The following DOCK4 variants were observed in gnomAD, a reference collection of about 807,000 sequenced individuals.
DOCK4 encodes dedicator of cytokinesis protein 4.
DOCK4 carries 97 observed loss-of-function variants against 268.1 expected under a neutral mutation model. The observed-to-expected ratio is 0.36, with a 90% CI of 0.31 to 0.43. The LOEUF (loss-of-function observed/expected upper bound fraction) is 0.43, where lower values mean the gene tolerates loss of function less well. Ranked by LOEUF, DOCK4 falls within the 20% of genes least tolerant of loss-of-function variation. The pLI is 1.00. For missense variants in DOCK4, 2,145 were observed against 2,455.7 expected, an observed-to-expected ratio of 0.87 and a Z score of 2.67; for synonymous variants, 954 against 887.2, an observed-to-expected ratio of 1.08 and a Z score of -1.34.
chr7:112,006,796 C>T (rs1001153791), intron 1 of DOCK4, among the ~76,000 whole-genome samples: 3 of 152,172 alleles, frequency 2.0e-5, no homozygotes, highest in Non-Finnish European at 4.4e-5. Context: ...CACTTGTCTC[C>T]ACCTGCAACA....
chr7:111,846,088 A>T (rs1216492553), intron 24 of DOCK4, among the ~76,000 whole-genome samples: 1 of 152,136 alleles, frequency 6.6e-6, no homozygotes. Context: ...CTCAACTGCC[A>T]ACTCTGTTCC....
At chr7:111,799,369 C>A (rs1286583653) in intron 30 of DOCK4, among the ~76,000 whole-genome samples, 1 of 152,202 alleles carries the variant, frequency 6.6e-6, no homozygotes, top group Non-Finnish European at 1.5e-5. Flanking sequence ...CAAAAATTGA[C>A]ACAACTAGCA....
intron 49 of DOCK4, 135 bp downstream of exon 49, chr7:111,738,999 C>T (rs1795702394): frequency 1.5e-6 from 1 of 661,382 alleles, no homozygotes; most frequent in Non-Finnish European, 2.6e-6. Context: ...AACAGAGGTG[C>T]AATCTTCACC....
At chr7:111,744,215 C>A (rs1796116875) in intron 44 of DOCK4, among the ~76,000 whole-genome samples, 1 of 152,136 alleles carries the variant, frequency 6.6e-6, no homozygotes, top group African/African-American at 2.4e-5. Context: ...TGGAGGCAAT[C>A]CCTGAAGGGC....
In DOCK4 at chr7:111,979,235, CA is replaced by C. The variant is rs1798427710; in HGVS notation, c.550-1953del. Among the ~76,000 whole-genome samples the C allele has an allele frequency of 2.0e-5, 3 of 152,214 alleles. No homozygotes were observed. In the South Asian group the frequency reaches 6.2e-4, roughly 32 times the overall value. On this transcript the variant is annotated intron_variant, in intron 7 of 52. Coordinates refer to ENST00000428084, the MANE Select transcript of DOCK4 (RefSeq NM_001363540.2). ...CTTTTATTCCGAACTACTTGAGAAG[CA>C]AAGGGTGGAAAAAATTTAGCTAAAT...
At chr7:111,752,391 C>T (rs1796717777) in intron 42 of DOCK4, among the ~76,000 whole-genome samples, 1 of 151,950 alleles carries the variant, frequency 6.6e-6, no homozygotes, top group Non-Finnish European at 1.5e-5. Context: ...GTGGCGCTAT[C>T]GGTGGGGGCG....
In DOCK4 at chr7:112,034,334, C is replaced by T. The variant is rs906260957; in HGVS notation, c.38-30203G>A. Among the ~76,000 whole-genome samples the T allele has an allele frequency of 2.6e-5, 4 of 152,228 alleles. No homozygotes were observed. In the East Asian group the frequency reaches 7.7e-4, roughly 29 times the overall value. On this transcript the variant is annotated intron_variant, in intron 1 of 52. Transcript: ENST00000428084. Reference sequence around the variant, plus strand: ...TGGCAGGTGGAGGAAAGGAATAAAACTCTAGCATGGCTCTGAATCTGGCCC... The same window carrying T: ...TGGCAGGTGGAGGAAAGGAATAAAATTCTAGCATGGCTCTGAATCTGGCCC...
chr7:111,818,181 T>C (rs1026319480), intron 27 of DOCK4, among the ~76,000 whole-genome samples: 5 of 152,206 alleles, frequency 3.3e-5, no homozygotes, highest in Admixed American at 6.5e-5. Flanking sequence ...TCTTTTTCTC[T>C]TTTCAGTCTG....
intron 1 of DOCK4, among the ~76,000 whole-genome samples, chr7:112,190,935 G>C (rs1011772451): frequency 1.3e-5 from 2 of 152,184 alleles, no homozygotes; most frequent in African/African-American, 4.8e-5. Context: ...TGAAGCCCCA[G>C]GTCCCAGCAG....
At chr7:111,831,002 T>C (rs1563562722) in intron 26 of DOCK4, among the ~76,000 whole-genome samples, 1 of 152,064 alleles carries the variant, frequency 6.6e-6, no homozygotes, top group Non-Finnish European at 1.5e-5. Flanking sequence ...ACACTCTCCT[T>C]GGATGTTCAC....
intron 13 of DOCK4, among the ~76,000 whole-genome samples, chr7:111,905,138 C>G (rs1791454712): frequency 6.6e-6 from 1 of 152,128 alleles, no homozygotes; most frequent in Non-Finnish European, 1.5e-5. Flanking sequence ...GCAGAAGGAT[C>G]AAGTTGAAAC....
chr7:111,900,324 G>C, intron 15 of DOCK4, 50 bp downstream of exon 15: 1 of 1,587,832 alleles, frequency 6.3e-7, no homozygotes, highest in Non-Finnish European at 8.6e-7. Flanking sequence ...TCAGTAAGCA[G>C]GATACTCCAG....
intron 6 of DOCK4, 82 bp from the exon 7 acceptor site, chr7:111,984,472 C>T: frequency 1.7e-6 from 2 of 1,198,376 alleles, no homozygotes; most frequent in Non-Finnish European, 2.4e-6. Context: ...TACTATATCA[C>T]TTGGAAATTA....
chr7:112,091,018 A>T (rs1809575244), intron 1 of DOCK4, among the ~76,000 whole-genome samples: 1 of 152,144 alleles, frequency 6.6e-6, no homozygotes, highest in South Asian at 2.1e-4. Context: ...CTGTTTACGA[A>T]TCATCAGTGG....
intron 1 of DOCK4, among the ~76,000 whole-genome samples, chr7:112,125,843 T>C (rs1478310743): frequency 6.6e-6 from 1 of 152,158 alleles, no homozygotes; most frequent in Non-Finnish European, 1.5e-5. Context: ...AGGGTCTCAC[T>C]TGTCACCCAG....
At chr7:111,997,532 T>G (rs999397864) in intron 4 of DOCK4, among the ~76,000 whole-genome samples, 6 of 152,226 alleles carry the variant, frequency 3.9e-5, no homozygotes. Context: ...TTTAATATCA[T>G]ATCTTTATTG....
At chr7:112,145,262 T>G (rs1280838948) in intron 1 of DOCK4, among the ~76,000 whole-genome samples, 4 of 152,306 alleles carry the variant, frequency 2.6e-5, no homozygotes, top group Middle Eastern at 3.4e-3. Context: ...GTGTTCAGAC[T>G]TAGGCTGAGA....
intron 1 of DOCK4, among the ~76,000 whole-genome samples, chr7:112,171,503 G>T (rs1818080093): frequency 2.1e-5 from 3 of 143,706 alleles, no homozygotes; most frequent in Non-Finnish European, 3.0e-5. Context: ...TATAATATTT[G>T]ATCCATGGAA....
chr7:112,173,486 GATT>G (rs1818250195), intron 1 of DOCK4, among the ~76,000 whole-genome samples: 3 of 152,278 alleles, frequency 2.0e-5, no homozygotes, highest in Admixed American at 6.5e-5. Context: ...TTCCTAAAGA[GATT>G]AATAACAGAG....
Sources: gnomAD v4.1 joint callset for allele counts (sites outside exome capture counted in the v4.1 genomes callset) on GRCh38, gnomAD v4.1.1 for gene constraint, MANE v1.5 for transcripts, NCBI Gene and HGNC (gene_info 2026-07-23, HGNC 2026-07-21) for gene names.